REEP1: variants seen among roughly 807,000 people sequenced by gnomAD.
REEP1 encodes the protein receptor expression-enhancing protein 1.
In REEP1, 22 loss-of-function variants were observed where a neutral mutation model predicts 40.3. The observed-to-expected ratio is 0.55, with a 90% CI of 0.39 to 0.78. The LOEUF (loss-of-function observed/expected upper bound fraction) is 0.78, where lower values mean the gene tolerates loss of function less well. Among genes scored for constraint, REEP1 ranks in the 30% least tolerant of loss-of-function variants. The pLI, the probability that REEP1 is intolerant of heterozygous loss-of-function variation, is 0.00. For missense variants in REEP1, 280 were observed against 361.1 expected, an observed-to-expected ratio of 0.78 and a Z score of 1.82; for synonymous variants, 116 against 139.2, an observed-to-expected ratio of 0.83 and a Z score of 1.17.
chr2:86,270,426 C>T (rs544963924), intron 2 of REEP1, among the ~76,000 whole-genome samples: 1 of 152,298 alleles, frequency 6.6e-6, no homozygotes, highest in Admixed American at 6.5e-5. Context: ...AAACTGCTGA[C>T]CTCAGGTGAT....
intron 1 of REEP1, among the ~76,000 whole-genome samples, chr2:86,294,015 G>A (rs986398258): frequency 9.2e-5 from 14 of 152,150 alleles, no homozygotes; most frequent in Non-Finnish European, 1.8e-4. Flanking sequence ...AGTTAAATGG[G>A]CCAATCACAA....
rs1398332423 is a variant in REEP1, at chr2:86,215,274, T to G, written c.*1765A>C. The G allele has an allele frequency of 6.6e-6, 1 of 152,194 alleles. No individual in the cohort carries two copies. Among genetic ancestry groups the G allele is most frequent in the African/African-American group, 2.4e-5 (1 of 41,450 alleles). 9.4% of individuals were successfully genotyped at this position (152,194 alleles called of 1,614,324 possible). On this transcript the variant is annotated 3_prime_UTR_variant, in exon 9 of 9. Transcript: ENST00000538924. ...TTTAGGTATATTTTCCTATACCCTT[T>G]TGCAAATTACAAAATCACCTTCAGA...
intron 2 of REEP1, among the ~76,000 whole-genome samples, chr2:86,268,266 T>A (rs1677248644): frequency 6.6e-6 from 1 of 152,050 alleles, no homozygotes; most frequent in African/African-American, 2.4e-5. Flanking sequence ...ACCAAAAAAA[T>A]CCTCCTGGGA....
intron 3 of REEP1, among the ~76,000 whole-genome samples, chr2:86,260,554 C>T (rs1676803011): frequency 6.6e-6 from 1 of 152,190 alleles, no homozygotes; most frequent in Non-Finnish European, 1.5e-5. Flanking sequence ...AATCTAATCA[C>T]AAGAGCCCTT....
intron 1 of REEP1, among the ~76,000 whole-genome samples, chr2:86,329,833 G>T (rs1270132096): frequency 6.6e-6 from 1 of 152,136 alleles, no homozygotes; most frequent in African/African-American, 2.4e-5. Context: ...AAACTATAAG[G>T]GAGACGAAGC....
At chr2:86,331,080 C>T (rs1305503936) in intron 1 of REEP1, among the ~76,000 whole-genome samples, 3 of 152,238 alleles carry the variant, frequency 2.0e-5, no homozygotes, top group Admixed American at 1.3e-4. Context: ...CTTTCTCTCA[C>T]CCAAGTCTCA....
chr2:86,232,566 T>G, intron 6 of REEP1, 59 bp downstream of exon 6: 1 of 1,586,926 alleles, frequency 6.3e-7, no homozygotes, highest in South Asian at 1.1e-5. Context: ...GGACTGGGCC[T>G]CTCTCAATGA....
intron 1 of REEP1, among the ~76,000 whole-genome samples, chr2:86,288,605 T>A (rs1308133112): frequency 6.6e-6 from 1 of 152,236 alleles, no homozygotes; most frequent in Admixed American, 6.5e-5. Flanking sequence ...TTGGGCACAT[T>A]TGAGACCTTC....
At chr2:86,246,323 G>T (rs4832259) in intron 5 of REEP1, among the ~76,000 whole-genome samples, 132,825 of 152,138 alleles carry the variant, frequency 0.87, 58,424 homozygotes, top group East Asian at 0.95. Context: ...TTGGGGATGG[G>T]GGAGGATGGA....
chr2:86,239,475 A>G (rs770912658), intron 5 of REEP1, among the ~76,000 whole-genome samples: 1 of 152,154 alleles, frequency 6.6e-6, no homozygotes, highest in African/African-American at 2.4e-5. Context: ...GTGAGTCAGG[A>G]AATTGATAAC....
At chr2:86,249,792 A>AT (rs35592472) in intron 5 of REEP1, among the ~76,000 whole-genome samples, 1,950 of 150,036 alleles carry the variant, frequency 0.013, 46 homozygotes, top group African/African-American at 0.044. Flanking sequence ...TTCTTCTTTT[A>AT]TTTTTTTTTT....
intron 7 of REEP1, among the ~76,000 whole-genome samples, chr2:86,222,618 A>G (rs1674488030): frequency 6.6e-6 from 1 of 152,232 alleles, no homozygotes; most frequent in Non-Finnish European, 1.5e-5. Context: ...GTTTCAAGGA[A>G]GCCAGGTGTC....
intron 1 of REEP1, among the ~76,000 whole-genome samples, chr2:86,294,358 C>G (rs765776066): frequency 3.9e-5 from 6 of 152,072 alleles, no homozygotes; most frequent in Non-Finnish European, 7.4e-5. Flanking sequence ...AAAATATCTG[C>G]ATGAATATTT....
chr2:86,272,874 G>A (rs933514866), intron 2 of REEP1, among the ~76,000 whole-genome samples: 2 of 152,096 alleles, frequency 1.3e-5, no homozygotes, highest in Non-Finnish European at 2.9e-5. Context: ...AGTAATCCCC[G>A]CACTTTGGGA....
intron 8 of REEP1, among the ~76,000 whole-genome samples, chr2:86,218,015 CT>C (rs1242267698): frequency 8.5e-5 from 13 of 152,266 alleles, no homozygotes; most frequent in African/African-American, 2.9e-4. Context: ...TGTCTGTCCA[CT>C]TCTCTGTATA....
intron 4 of REEP1, 108 bp from the exon 5 acceptor site, chr2:86,252,178 C>T (rs1676321130): frequency 1.2e-6 from 1 of 809,810 alleles, no homozygotes; most frequent in African/African-American, 1.7e-5. Flanking sequence ...AATCCTTGTT[C>T]TTGCTGGGCC....
intron 5 of REEP1, among the ~76,000 whole-genome samples, chr2:86,237,462 A>G (rs1182206216): frequency 2.6e-5 from 4 of 152,138 alleles, no homozygotes; most frequent in Non-Finnish European, 5.9e-5. Context: ...AGAGATCTTA[A>G]CCACTTATTG....
intron 1 of REEP1, among the ~76,000 whole-genome samples, chr2:86,288,454 G>GT (rs375939294): frequency 7.9e-5 from 12 of 152,112 alleles, no homozygotes; most frequent in African/African-American, 2.9e-4. Flanking sequence ...CCTGCATCCA[G>GT]TTTTTTTAGA....
intron 1 of REEP1, among the ~76,000 whole-genome samples, chr2:86,297,070 G>T (rs1679020359): frequency 6.6e-6 from 1 of 152,170 alleles, no homozygotes; most frequent in Non-Finnish European, 1.5e-5. Context: ...AGAGCCCCTT[G>T]CTGAGGGCCT....
Sources: allele counts gnomAD v4.1 joint callset (sites outside exome capture counted in the v4.1 genomes callset), GRCh38; gene constraint gnomAD v4.1.1; transcripts MANE v1.5; gene names NCBI Gene and HGNC (gene_info 2026-07-23, HGNC 2026-07-21).